NWD1: variants seen among roughly 807,000 people sequenced by gnomAD.
NWD1 encodes NACHT domain- and WD repeat-containing protein 1.
A neutral mutation model predicts 135.1 loss-of-function variants in NWD1; 129 were observed. The ratio of observed to expected loss-of-function variants is 0.96; its 90% CI spans 0.83 to 1.11. The LOEUF (loss-of-function observed/expected upper bound fraction) is 1.11. Among genes scored for constraint, NWD1 ranks in the 50% least tolerant of loss-of-function variants. The pLI, the probability that NWD1 is intolerant of heterozygous loss-of-function variation, is 0.00. For missense variants in NWD1, 1,740 were observed against 1,851.3 expected, an observed-to-expected ratio of 0.94 and a Z score of 1.10; for synonymous variants, 773 against 786.0, an observed-to-expected ratio of 0.98 and a Z score of 0.28.
At chr19:16,774,910 C>T (rs936528747) in intron 11 of NWD1, among the ~76,000 whole-genome samples, 26 of 152,052 alleles carry the variant, frequency 1.7e-4, no homozygotes, top group African/African-American at 5.8e-4. Flanking sequence ...TCAATTTCAT[C>T]GAGAAACTGA....
At chr19:16,756,410 A>G (rs1286147352) in intron 6 of NWD1, among the ~76,000 whole-genome samples, 1 of 152,188 alleles carries the variant, frequency 6.6e-6, no homozygotes, top group Non-Finnish European at 1.5e-5. Flanking sequence ...TTGCTGTCTC[A>G]GAGACAGCAC....
intron 17 of NWD1, among the ~76,000 whole-genome samples, chr19:16,802,492 T>C (rs1346010892): frequency 2.2e-5 from 3 of 139,402 alleles, no homozygotes; most frequent in Non-Finnish European, 4.6e-5. Context: ...AAAAGGAAGC[T>C]AGCACTTCCC....
intron 1 of NWD1, among the ~76,000 whole-genome samples, chr19:16,723,200 A>G (rs1568328618): frequency 6.6e-6 from 1 of 151,808 alleles, no homozygotes; most frequent in African/African-American, 2.4e-5. Flanking sequence ...TGTCCAGCTG[A>G]TTTTTTTGCT....
rs747246183 is a variant in NWD1, at chr19:16,807,873, A to G, written c.4024A>G (p.Thr1342Ala). The change falls in exon 18 of 19, where the codon ACC becomes GCC. Residue 1342 changes from threonine (T) to alanine (A), a missense_variant. Transcript: ENST00000524140. ...CCCGGTCATCGATGGGCCAAGATAC[A>G]CCTTTTACACTCAGCTGCCCGAGAC... Reference protein sequence around the residue: ...PCPVIDGPRYTFYTQLPETLS... With the variant: ...PCPVIDGPRYAFYTQLPETLS... 22 of 1,613,930 alleles carry G rather than the reference A, an allele frequency of 1.4e-5. No individual in the cohort carries two copies. The highest frequency in any genetic ancestry group is 1.7e-5 in the Admixed American group (1 of 59,994).
chr19:16,756,035 A>G (rs952220777), intron 6 of NWD1, among the ~76,000 whole-genome samples: 2 of 152,182 alleles, frequency 1.3e-5, no homozygotes, highest in African/African-American at 2.4e-5. Context: ...TGTTCTATGT[A>G]TTACAGACTG....
At chr19:16,795,256 C>G (rs987914824) in intron 15 of NWD1, among the ~76,000 whole-genome samples, 11 of 152,294 alleles carry the variant, frequency 7.2e-5, no homozygotes, top group African/African-American at 2.4e-4. Context: ...AGCATGTGAG[C>G]AAGTGAATGT....
intron 6 of NWD1, among the ~76,000 whole-genome samples, chr19:16,755,475 G>A (rs905188172): frequency 6.6e-6 from 1 of 152,002 alleles, no homozygotes; most frequent in Non-Finnish European, 1.5e-5. Flanking sequence ...TGCAACCTCC[G>A]CCTCCTAGGT....
At chr19:16,780,076 T>C (rs1216792208) in intron 12 of NWD1, among the ~76,000 whole-genome samples, 1 of 152,082 alleles carries the variant, frequency 6.6e-6, no homozygotes, top group Non-Finnish European at 1.5e-5. Flanking sequence ...TATTTTCAAA[T>C]GAGGCAACTC....
intron 5 of NWD1, among the ~76,000 whole-genome samples, chr19:16,747,038 T>TA (rs1366606099): frequency 1.8e-3 from 236 of 129,762 alleles, no homozygotes; most frequent in African/African-American, 6.8e-3. Flanking sequence ...TCTTTTTCTT[T>TA]CTTTTTTTTT....
chr19:16,787,208 C>G (rs920745592), intron 12 of NWD1, among the ~76,000 whole-genome samples: 1 of 151,878 alleles, frequency 6.6e-6, no homozygotes, highest in South Asian at 2.1e-4. Flanking sequence ...CTCACTCCAG[C>G]CTCAACCTCC....
At chr19:16,759,081 T>C in intron 6 of NWD1, 144 bp from the exon 7 acceptor site, 1 of 677,198 alleles carries the variant, frequency 1.5e-6, no homozygotes, top group Non-Finnish European at 2.7e-6. Flanking sequence ...GCTTGGTACC[T>C]TGTGGGCGCT....
intron 1 of NWD1, among the ~76,000 whole-genome samples, chr19:16,723,355 C>T (rs532370822): frequency 2.6e-5 from 4 of 152,294 alleles, no homozygotes; most frequent in Admixed American, 2.0e-4. Context: ...TGCACCACCA[C>T]ATCTGGCTAA....
chr19:16,808,543 T>TAAAA (rs200598722), intron 18 of NWD1, among the ~76,000 whole-genome samples: 2 of 145,598 alleles, frequency 1.4e-5, no homozygotes, highest in Non-Finnish European at 3.0e-5. Flanking sequence ...ACACTCCGTT[T>TAAAA]AAAAAAAAAA....
At position 16,790,526 on chromosome 19, in the gene NWD1, A is replaced by G. The variant is rs560910379; in HGVS notation, c.2941-824A>G. On this transcript the variant is annotated intron_variant, in intron 13 of 18. Coordinates refer to ENST00000524140, the MANE Select transcript of NWD1 (RefSeq NM_001007525.5). ...AATACCTAATGCATGTGGGGCTTAA[A>G]ACCTAGATGACGGGTTGATAGTTGC... Among the ~76,000 whole-genome samples, 78 of 151,912 alleles carry G rather than the reference A, an allele frequency of 5.1e-4. 1 individual carries two copies. The highest frequency in any genetic ancestry group is 1.2e-3 in the Admixed American group (18 of 15,170).
intron 18 of NWD1, among the ~76,000 whole-genome samples, chr19:16,810,150 A>G: frequency 6.6e-6 from 1 of 152,116 alleles, no homozygotes; most frequent in East Asian, 1.9e-4. Flanking sequence ...TAAGAAAGCC[A>G]TGTAAGGCTG....
intron 11 of NWD1, among the ~76,000 whole-genome samples, chr19:16,773,555 G>T (rs187222026): frequency 7.2e-5 from 11 of 152,136 alleles, no homozygotes; most frequent in Non-Finnish European, 1.3e-4. Context: ...ATGCTAGGGG[G>T]TGCCTCCAAG....
At chr19:16,750,542 A>G (rs1261277752) in intron 6 of NWD1, 131 bp downstream of exon 6, 6 of 646,106 alleles carry the variant, frequency 9.3e-6, no homozygotes, top group Non-Finnish European at 1.5e-5. Context: ...GCAGTCTCCA[A>G]CTCCCAGGCT....
intron 10 of NWD1, among the ~76,000 whole-genome samples, chr19:16,769,039 T>G (rs1053689492): frequency 4.6e-5 from 7 of 152,162 alleles, no homozygotes; most frequent in African/African-American, 7.2e-5. Context: ...CAGAAGAATC[T>G]TGAAAGCCCA....
rs182379737 is a variant in NWD1, at chr19:16,814,584, A to G, written c.4288-444A>G. 2.2e-3 allele frequency among the ~76,000 whole-genome samples: 341 copies of G among 152,350 alleles called. 1 individual carries two copies. Among genetic ancestry groups the G allele is most frequent in the African/African-American group, 7.5e-3 (313 of 41,588 alleles). On this transcript the variant is annotated intron_variant, in intron 18 of 18. Transcript: ENST00000524140. The stretch of plus-strand genomic sequence containing the variant: ...AATACACTGTAATCTGATACATAGT[A>G]AACTATAACACTATTATACATTGTA...
Sources: allele counts gnomAD v4.1 joint callset (sites outside exome capture counted in the v4.1 genomes callset), GRCh38; gene constraint gnomAD v4.1.1; transcripts MANE v1.5; gene names NCBI Gene and HGNC (gene_info 2026-07-23, HGNC 2026-07-21).